The following MAPDA variants were observed in gnomAD, a reference collection of about 807,000 sequenced individuals.
MAPDA encodes the protein N6,N6-dimethyl-AMP deaminase.
chr15:43,330,590 T>C, the MAPDA span: 1 of 1,357,314 alleles, frequency 7.4e-7, no homozygotes, highest in South Asian at 1.6e-5. Flanking sequence ...AAACCACCCA[T>C]GCTCCTGGAC....
the MAPDA span, among the ~76,000 whole-genome samples, chr15:43,339,472 C>T: frequency 5.2e-4 from 79 of 152,334 alleles, no homozygotes; most frequent in African/African-American, 1.9e-3. Context: ...GAACAGCCAG[C>T]CCCTCTTGCT....
the MAPDA span, among the ~76,000 whole-genome samples, chr15:43,346,256 C>A: frequency 6.6e-6 from 1 of 152,164 alleles, no homozygotes; most frequent in African/African-American, 2.4e-5. Context: ...CAACTAGTCC[C>A]AGACTATATG....
chr15:43,334,633 T>TTATTTATATATATATATATATATATA, the MAPDA span, among the ~76,000 whole-genome samples: 6 of 65,172 alleles, frequency 9.2e-5, no homozygotes, highest in Non-Finnish European at 2.3e-4. Context: ...CTCAAAAAAA[T>TTATTTATATATATATATATATATATA]TATATATATA....
chr15:43,351,350 T>G, the MAPDA span: 1 of 328,994 alleles, frequency 3.0e-6, no homozygotes. Flanking sequence ...AAAAAGGGAC[T>G]GGGACATGAG....
the MAPDA span, chr15:43,349,249 C>G: frequency 1.5e-6 from 2 of 1,298,500 alleles, no homozygotes; most frequent in Non-Finnish European, 2.0e-6. Context: ...GAGCAGGGCC[C>G]CTGCTTGTCT....
At chr15:43,339,629 G>A in the MAPDA span, among the ~76,000 whole-genome samples, 41 of 152,140 alleles carry the variant, frequency 2.7e-4, 2 homozygotes, top group Non-Finnish European at 5.7e-4. Flanking sequence ...AGGATTGAAG[G>A]CAGAAAGGAA....
chr15:43,334,224 A>G, the MAPDA span, among the ~76,000 whole-genome samples: 35 of 152,294 alleles, frequency 2.3e-4, no homozygotes, highest in Middle Eastern at 3.4e-3. Context: ...GTGAGTGACT[A>G]AGGCCACACA....
the MAPDA span, chr15:43,349,065 G>T: frequency 6.2e-7 from 1 of 1,614,034 alleles, no homozygotes; most frequent in Non-Finnish European, 8.5e-7. Flanking sequence ...GGAGTTTCAG[G>T]TCTTCCAGAT....
At chr15:43,346,078 C>T in the MAPDA span, 1 of 1,488,106 alleles carries the variant, frequency 6.7e-7, no homozygotes, top group Non-Finnish European at 9.2e-7. Flanking sequence ...TCCAGAGTGT[C>T]CAACAGACAC....
At chr15:43,349,344 T>G in the MAPDA span, 2 of 1,060,740 alleles carry the variant, frequency 1.9e-6, no homozygotes, top group Non-Finnish European at 2.3e-6. Flanking sequence ...TTAAAATGAC[T>G]TTAACAAAAT....
chr15:43,348,287 G>A, the MAPDA span, among the ~76,000 whole-genome samples: 15 of 152,248 alleles, frequency 9.9e-5, no homozygotes, highest in African/African-American at 2.6e-4. Flanking sequence ...GTCAGATTGA[G>A]TTAGGTTTCA....
the MAPDA span, chr15:43,342,939 A>G: frequency 2.4e-6 from 3 of 1,270,096 alleles, no homozygotes; most frequent in African/African-American, 1.5e-5. Flanking sequence ...GCTGAAGGTG[A>G]GGGATGAAAT....
the MAPDA span, chr15:43,330,464 C>G: frequency 6.6e-7 from 1 of 1,524,546 alleles, no homozygotes; most frequent in Admixed American, 2.3e-5. Context: ...CGCGCCTGCC[C>G]GACGCTCACG....
the MAPDA span, among the ~76,000 whole-genome samples, chr15:43,348,674 C>T: frequency 2.6e-5 from 4 of 151,904 alleles, no homozygotes; most frequent in Non-Finnish European, 5.9e-5. Flanking sequence ...TGAAAAGGCA[C>T]AAAGTAGGTT....
chr15:43,340,211 T>C, the MAPDA span: 221 of 1,508,488 alleles, frequency 1.5e-4, no homozygotes, highest in Middle Eastern at 3.5e-4. Context: ...GGCACATTCA[T>C]TGGGACCCTT....
chr15:43,332,607 C>G, the MAPDA span, among the ~76,000 whole-genome samples: 1 of 152,144 alleles, frequency 6.6e-6, no homozygotes, highest in African/African-American at 2.4e-5. Flanking sequence ...TTGTTTAAAT[C>G]TCAGTTTATT....
At chr15:43,337,440 T>C in the MAPDA span, among the ~76,000 whole-genome samples, 2 of 152,276 alleles carry the variant, frequency 1.3e-5, no homozygotes, top group African/African-American at 4.8e-5. Context: ...CCTAGGGAAA[T>C]TGTGCTTTCC....
At chr15:43,346,121 G>A in the MAPDA span, 2 of 1,159,428 alleles carry the variant, frequency 1.7e-6, no homozygotes, top group Non-Finnish European at 2.4e-6. Flanking sequence ...GTTCTGCCCT[G>A]GATGACCAGA....
the MAPDA span, chr15:43,349,093 C>T: frequency 6.2e-7 from 1 of 1,612,746 alleles, no homozygotes; most frequent in Non-Finnish European, 8.5e-7. Flanking sequence ...TGTCTCTCCC[C>T]CAATCCCCAG....
Sources: allele counts gnomAD v4.1 joint callset (sites outside exome capture counted in the v4.1 genomes callset), GRCh38; gene constraint gnomAD v4.1.1; transcripts MANE v1.5; gene names NCBI Gene and HGNC (gene_info 2026-07-23, HGNC 2026-07-21).